The following BTC variants were observed in gnomAD, a reference collection of about 807,000 sequenced individuals.
BTC encodes the protein betacellulin.
A neutral mutation model predicts 18.1 loss-of-function variants in BTC; 13 were observed. The observed-to-expected ratio is 0.72, with a 90% CI of 0.47 to 1.14. The LOEUF (loss-of-function observed/expected upper bound fraction) is 1.14, where lower values mean the gene tolerates loss of function less well. Ranked by LOEUF, BTC falls within the 50% of genes most tolerant of loss-of-function variation. The probability of loss-of-function intolerance (pLI) is 0.00; values close to 1 mark genes in which losing one functional copy is unlikely to be tolerated. For missense variants in BTC, 247 were observed against 224.2 expected, an observed-to-expected ratio of 1.10 and a Z score of -0.65; for synonymous variants, 83 against 79.4, an observed-to-expected ratio of 1.05 and a Z score of -0.24.
chr4:74,790,503 ACC>A (rs1382739322), intron 1 of BTC, among the ~76,000 whole-genome samples: 2 of 152,002 alleles, frequency 1.3e-5, no homozygotes, highest in Admixed American at 1.3e-4. Context: ...CCACTACATG[ACC>A]CTGCCTCAAG....
intron 1 of BTC, among the ~76,000 whole-genome samples, chr4:74,792,946 C>T (rs1290318780): frequency 6.6e-6 from 1 of 152,218 alleles, no homozygotes; most frequent in Non-Finnish European, 1.5e-5. Context: ...TTTTAGGAAT[C>T]TCATGAGCCC....
At chr4:74,766,727 G>C (rs1189380509) in intron 2 of BTC, among the ~76,000 whole-genome samples, 1 of 151,978 alleles carries the variant, frequency 6.6e-6, no homozygotes, top group Admixed American at 6.6e-5. Context: ...AAAAATTGAA[G>C]AGGAAGAAAC....
chr4:74,749,346 G>T (rs1282641343), intron 4 of BTC, among the ~76,000 whole-genome samples: 1 of 149,704 alleles, frequency 6.7e-6, no homozygotes, highest in Non-Finnish European at 1.5e-5. Flanking sequence ...AGAATTGCTT[G>T]AACTCAGGAA....
At chr4:74,765,041 C>T (rs931272539) in intron 2 of BTC, among the ~76,000 whole-genome samples, 12 of 151,730 alleles carry the variant, frequency 7.9e-5, no homozygotes, top group African/African-American at 4.9e-5. Flanking sequence ...GGGGAAATTG[C>T]CACTATGAAT....
chr4:74,789,392 T>C (rs577419364), intron 1 of BTC, among the ~76,000 whole-genome samples: 2 of 152,338 alleles, frequency 1.3e-5, no homozygotes, highest in East Asian at 1.9e-4. Flanking sequence ...TGAAAAGTTA[T>C]CTGAATATTC....
intron 2 of BTC, among the ~76,000 whole-genome samples, chr4:74,761,930 A>G (rs1553957381): frequency 6.6e-6 from 1 of 152,176 alleles, no homozygotes; most frequent in African/African-American, 2.4e-5. Context: ...AGGCTCTATT[A>G]TACATTACTC....
chr4:74,793,845 G>A (rs772075250), intron 1 of BTC, among the ~76,000 whole-genome samples: 3 of 152,130 alleles, frequency 2.0e-5, no homozygotes, highest in African/African-American at 4.8e-5. Flanking sequence ...ATACTACCAC[G>A]TGAGCTTCTT....
At chr4:74,767,051 T>C (rs57280275) in intron 2 of BTC, among the ~76,000 whole-genome samples, 4,806 of 151,852 alleles carry the variant, frequency 0.032, 237 homozygotes, top group African/African-American at 0.11. Flanking sequence ...CTATGCAACA[T>C]AGCGCAGGAA....
At chr4:74,746,888 C>G (rs1481315164) in intron 5 of BTC, among the ~76,000 whole-genome samples, 1 of 152,184 alleles carries the variant, frequency 6.6e-6, no homozygotes, top group Non-Finnish European at 1.5e-5. Flanking sequence ...TACAACTGAG[C>G]TGTGGAAAGA....
chr4:74,778,608 C>A (rs1342223047), intron 1 of BTC, among the ~76,000 whole-genome samples: 5 of 152,016 alleles, frequency 3.3e-5, no homozygotes, highest in Admixed American at 3.3e-4. Context: ...TTGAAGCAGT[C>A]CAGTGGAAAA....
At chr4:74,777,131 G>C (rs913033673) in intron 1 of BTC, among the ~76,000 whole-genome samples, 9 of 152,132 alleles carry the variant, frequency 5.9e-5, no homozygotes, top group Admixed American at 2.0e-4. Context: ...AGATGGAGCT[G>C]TTTTTGAATC....
intron 3 of BTC, 29 bp downstream of exon 3, chr4:74,755,830 T>C (rs933897248): frequency 6.2e-7 from 1 of 1,603,420 alleles, no homozygotes; most frequent in African/African-American, 1.3e-5. Flanking sequence ...TGCACCCTTT[T>C]GCTTGCTGGC....
intron 1 of BTC, among the ~76,000 whole-genome samples, chr4:74,791,117 C>T (rs1359902644): frequency 7.9e-5 from 12 of 152,250 alleles, no homozygotes; most frequent in South Asian, 6.2e-4. Context: ...TTATCTGCTA[C>T]GATCTCTTGA....
chr4:74,761,099 C>T (rs1340090587), intron 2 of BTC, among the ~76,000 whole-genome samples: 1 of 150,750 alleles, frequency 6.6e-6, no homozygotes. Context: ...GGGCCTTCAC[C>T]CAGAGCTGCC....
chr4:74,748,362 C>T (rs1314812134), intron 4 of BTC, among the ~76,000 whole-genome samples: 1 of 152,070 alleles, frequency 6.6e-6, no homozygotes, highest in Non-Finnish European at 1.5e-5. Context: ...CGCTGAAACC[C>T]CGTCTCTACT....
intron 2 of BTC, among the ~76,000 whole-genome samples, chr4:74,762,872 G>T (rs1724796829): frequency 6.6e-6 from 1 of 152,126 alleles, no homozygotes; most frequent in Admixed American, 6.5e-5. Context: ...ATTTCAAGAA[G>T]CTCAATCCTT....
chr4:74,790,323 A>C (rs1488707656), intron 1 of BTC, among the ~76,000 whole-genome samples: 3 of 152,214 alleles, frequency 2.0e-5, no homozygotes, highest in African/African-American at 4.8e-5. Context: ...GGCTTTACAT[A>C]GTATTGCATT....
chr4:74,751,448 T>C (rs1218884878), intron 3 of BTC, among the ~76,000 whole-genome samples: 1 of 152,138 alleles, frequency 6.6e-6, no homozygotes, highest in Non-Finnish European at 1.5e-5. Flanking sequence ...CATTTGCAGA[T>C]CTGTTCACCG....
At chr4:74,756,955 G>A (rs1459068713) in intron 2 of BTC, among the ~76,000 whole-genome samples, 1 of 152,086 alleles carries the variant, frequency 6.6e-6, no homozygotes, top group African/African-American at 2.4e-5. Context: ...TAGCTGTTTC[G>A]TATGTTAACT....
Sources: gnomAD v4.1 joint callset for allele counts (sites outside exome capture counted in the v4.1 genomes callset) on GRCh38, gnomAD v4.1.1 for gene constraint, MANE v1.5 for transcripts, NCBI Gene and HGNC (gene_info 2026-07-23, HGNC 2026-07-21) for gene names.